The following BNC2 variants were observed in gnomAD, a reference collection of about 807,000 sequenced individuals.
BNC2 encodes zinc finger protein basonuclin-2.
BNC2 carries 20 observed loss-of-function variants against 76.3 expected under a neutral mutation model. The ratio of observed to expected loss-of-function variants is 0.26; its 90% confidence interval spans 0.18 to 0.38. The LOEUF (loss-of-function observed/expected upper bound fraction) is 0.38. Ranked by LOEUF, BNC2 falls within the 10% of genes least tolerant of loss-of-function variation. BNC2 has a pLI of 1.00. For missense variants in BNC2, 1,382 were observed against 1,399.8 expected, an observed-to-expected ratio of 0.99 and a Z score of 0.20; for synonymous variants, 582 against 514.8, an observed-to-expected ratio of 1.13 and a Z score of -1.77.
chr9:16,855,977 G>C (rs1317649836), intron 1 of BNC2, among the ~76,000 whole-genome samples: 1 of 152,000 alleles, frequency 6.6e-6, no homozygotes, highest in Non-Finnish European at 1.5e-5. Context: ...TATTACCTTA[G>C]CATATCCGTA....
At chr9:16,808,278 T>C (rs1817960233) in intron 1 of BNC2, among the ~76,000 whole-genome samples, 2 of 152,102 alleles carry the variant, frequency 1.3e-5, no homozygotes, top group Non-Finnish European at 2.9e-5. Flanking sequence ...ACCCACCATT[T>C]TCATTATTAT....
chr9:16,727,601 A>T, intron 3 of BNC2, 196 bp downstream of exon 3: 1 of 579,246 alleles, frequency 1.7e-6, no homozygotes, highest in Non-Finnish European at 3.0e-6. Context: ...TTTTTCTTTT[A>T]AGACGCCCTT....
intron 1 of BNC2, among the ~76,000 whole-genome samples, chr9:16,787,154 G>A (rs1403187728): frequency 6.6e-6 from 1 of 152,138 alleles, no homozygotes; most frequent in Admixed American, 6.5e-5. Context: ...TCTCTTCACT[G>A]ATGTGAAACT....
At chr9:16,576,659 C>T (rs1819493970) in intron 4 of BNC2, among the ~76,000 whole-genome samples, 1 of 152,196 alleles carries the variant, frequency 6.6e-6, no homozygotes, top group South Asian at 2.1e-4. Flanking sequence ...ACTACCATGC[C>T]TCCAACGAAC....
intron 5 of BNC2, among the ~76,000 whole-genome samples, chr9:16,504,213 C>T (rs886845626): frequency 2.7e-5 from 4 of 150,368 alleles, no homozygotes; most frequent in Non-Finnish European, 5.9e-5. Context: ...TAATCATGTT[C>T]CAAAAAAAGT....
rs1820468123 is a variant in BNC2, at chr9:16,411,859, T to C, written c.*7130A>G. 2 of 152,210 alleles carry C rather than the reference T, an allele frequency of 1.3e-5. No individual in the cohort carries two copies. Among genetic ancestry groups the C allele is most frequent in the African/African-American group, 2.4e-5 (1 of 41,460 alleles). 9.4% of individuals were successfully genotyped at this position (152,210 alleles called of 1,614,324 possible). A position where few individuals can be genotyped will look rare whatever the true frequency, so the allele number is the denominator to read the frequency against. On this transcript the variant is annotated 3_prime_UTR_variant, in exon 7 of 7. Coordinates refer to ENST00000380672, the MANE Select transcript of BNC2 (RefSeq NM_017637.6). ...TGTGACTGTTTGTAATGGGGCCAAC[T>C]ATCTTCTCTGAGATGCGCTGCGGGA...
intron 5 of BNC2, among the ~76,000 whole-genome samples, chr9:16,447,332 A>C (rs1821250686): frequency 6.6e-6 from 1 of 152,124 alleles, no homozygotes; most frequent in Non-Finnish European, 1.5e-5. Context: ...ATTAATGTTC[A>C]CATGTAAAGA....
At chr9:16,468,375 ATATGCAG>A (rs1380230294) in intron 5 of BNC2, among the ~76,000 whole-genome samples, 2 of 151,708 alleles carry the variant, frequency 1.3e-5, no homozygotes, top group Non-Finnish European at 2.9e-5. Flanking sequence ...TAGGTATTTT[ATATGCAG>A]TATCTTTATT....
intron 3 of BNC2, among the ~76,000 whole-genome samples, chr9:16,687,339 G>A (rs1328471378): frequency 1.3e-5 from 2 of 152,152 alleles, no homozygotes; most frequent in Non-Finnish European, 2.9e-5. Context: ...CCTGCTACCT[G>A]CTCCTTGGTC....
chr9:16,569,375 CCTCAGTTGACAT>C (rs1418629351), intron 4 of BNC2, among the ~76,000 whole-genome samples: 1 of 152,016 alleles, frequency 6.6e-6, no homozygotes, highest in African/African-American at 2.4e-5. Context: ...TTTTAATCAA[CCTCAGTTGACAT>C]GTAGCTTTCA....
rs1003898861 is a variant in BNC2, at chr9:16,806,533, C to T, written c.3+64113G>A. ...AATACCCAATAATCCTGGGAAATTA[C>T]GCCATAAGTAAAGTGTTGCTTTTTA... On this transcript the variant is annotated intron_variant, in intron 1 of 6. Coordinates refer to ENST00000380672, the MANE Select transcript of BNC2 (RefSeq NM_017637.6). 3.3e-5 allele frequency among the ~76,000 whole-genome samples: 5 copies of T among 152,232 alleles called. No homozygotes were observed. The South Asian group carries it at 6.2e-4, about 19-fold the overall frequency.
chr9:16,413,666 T>C lies in BNC2; in HGVS notation c.*5323A>G, dbSNP rs906022048. ...AATACTTTTTGAAAATGACCATTTA[T>C]GGTGAGCAACACTCCAGCTACAGGA... On this transcript the variant is annotated 3_prime_UTR_variant, in exon 7 of 7. Coordinates refer to ENST00000380672, the MANE Select transcript of BNC2 (RefSeq NM_017637.6). 1.3e-5 allele frequency: 2 copies of C among 152,194 alleles called. No homozygotes were observed. Among genetic ancestry groups the C allele is most frequent in the African/African-American group, 2.4e-5 (1 of 41,434 alleles). 9.4% of individuals were successfully genotyped at this position (152,194 alleles called of 1,614,324 possible). A position where few individuals can be genotyped will look rare whatever the true frequency, so the allele number is the denominator to read the frequency against.
chr9:16,538,890 C>T (rs1343983676), intron 5 of BNC2, among the ~76,000 whole-genome samples: 1 of 152,138 alleles, frequency 6.6e-6, no homozygotes, highest in African/African-American at 2.4e-5. Flanking sequence ...TTAATGACTG[C>T]AATAATTATA....
chr9:16,548,383 ATTCTTCTTC>A (rs555793995), intron 5 of BNC2, among the ~76,000 whole-genome samples: 3 of 150,894 alleles, frequency 2.0e-5, no homozygotes, highest in African/African-American at 4.9e-5. Context: ...TGAACTAAGA[ATTCTTCTTC>A]TTCTTCTTCT....
At position 16,849,513 on chromosome 9, in the gene BNC2, C is replaced by T. The variant is rs555440331; in HGVS notation, c.3+21133G>A. On this transcript the variant is annotated intron_variant, in intron 1 of 6. Transcript: ENST00000380672. ...AGCTGAGATTACAGGCGCATGCCAC[C>T]ACGCCCGACTAATTTTTGTATTTTT... Among the ~76,000 whole-genome samples, 47 of 151,958 alleles carry T rather than the reference C, an allele frequency of 3.1e-4. No homozygotes were observed. In the South Asian group the frequency reaches 9.4e-3, roughly 30 times the overall value.
At chr9:16,618,991 A>G (rs1240103908) in intron 3 of BNC2, among the ~76,000 whole-genome samples, 2 of 152,244 alleles carry the variant, frequency 1.3e-5, no homozygotes, top group East Asian at 1.9e-4. Context: ...CAGCATTTCT[A>G]TAAGTGAAGC....
In BNC2 at chr9:16,569,499, C is replaced by G. The variant is rs144811094; in HGVS notation, c.433+13484G>C. Among the ~76,000 whole-genome samples, 1,392 of 152,214 alleles carry G rather than the reference C, an allele frequency of 9.1e-3. 24 individuals carry two copies. The highest frequency in any genetic ancestry group is 0.032 in the African/African-American group (1,334 of 41,534). ...ACAGCCAATATTTCAAACTGAATGG[C>G]ATTTCCCCCTGTGGCCTTACGCATA... On this transcript the variant is annotated intron_variant, in intron 4 of 6. Transcript: ENST00000380672.
Position 16,448,747 on chromosome 9 carries a change from C to T in BNC2, c.670-11223G>A, listed in dbSNP as rs112091006. ...TGTTCTTTTCTGGGTATAAGAATAG[C>T]CGTAGAACACAAAGATTAATTTCCT... On this transcript the variant is annotated intron_variant, in intron 5 of 6. Coordinates refer to ENST00000380672, the MANE Select transcript of BNC2 (RefSeq NM_017637.6). Among the ~76,000 whole-genome samples, 197 of 152,144 alleles carry T rather than the reference C, an allele frequency of 1.3e-3. 1 individual carries two copies. The highest frequency in any genetic ancestry group is 9.6e-3 in the Admixed American group (147 of 15,268).
At chr9:16,522,105 C>T (rs754035618) in intron 5 of BNC2, among the ~76,000 whole-genome samples, 4 of 152,128 alleles carry the variant, frequency 2.6e-5, no homozygotes, top group Non-Finnish European at 5.9e-5. Flanking sequence ...TAATAAAGAG[C>T]TCCATTGTGC....
Sources: gnomAD v4.1 joint callset for allele counts (sites outside exome capture counted in the v4.1 genomes callset) on GRCh38, gnomAD v4.1.1 for gene constraint, MANE v1.5 for transcripts, NCBI Gene and HGNC (gene_info 2026-07-23, HGNC 2026-07-21) for gene names.